Variants in PTH2R observed in about 807,000 individuals in gnomAD.
The protein encoded by PTH2R is parathyroid hormone 2 receptor.
Under a neutral mutation model 60.3 loss-of-function variants are expected in PTH2R, and 59 were observed. The ratio of observed to expected loss-of-function variants is 0.98; its 90% CI spans 0.79 to 1.22. The LOEUF (loss-of-function observed/expected upper bound fraction) is 1.22. Ranked by LOEUF, PTH2R falls within the 50% of genes most tolerant of loss-of-function variation. The pLI is 0.00. For synonymous variants in PTH2R, 256 were observed against 243.8 expected (o/e 1.05, Z -0.47); for missense variants, 749 against 682.6 (o/e 1.10, Z -1.08).
intron 1 of PTH2R, among the ~76,000 whole-genome samples, chr2:208,425,228 G>A (rs898098282): frequency 6.6e-6 from 1 of 152,138 alleles, no homozygotes; most frequent in African/African-American, 2.4e-5. Context: ...CAAATCACAT[G>A]TAATGAGATG....
intron 1 of PTH2R, among the ~76,000 whole-genome samples, chr2:208,395,201 C>G (rs1276837001): frequency 6.6e-6 from 1 of 152,058 alleles, no homozygotes; most frequent in African/African-American, 2.4e-5. Flanking sequence ...GCGCCCGCCA[C>G]CATGCCTGGC....
chr2:208,468,837 T>G (rs888801107), intron 9 of PTH2R, among the ~76,000 whole-genome samples: 1 of 152,216 alleles, frequency 6.6e-6, no homozygotes, highest in African/African-American at 2.4e-5. Context: ...AACCATTTTT[T>G]TTCTAAACTT....
intron 7 of PTH2R, among the ~76,000 whole-genome samples, chr2:208,445,645 A>G (rs1702273830): frequency 6.6e-6 from 1 of 152,184 alleles, no homozygotes; most frequent in Non-Finnish European, 1.5e-5. Context: ...GGTGCTCAGC[A>G]TAGGAAAAAA....
chr2:208,479,884 T>A (rs1038712569), intron 9 of PTH2R, among the ~76,000 whole-genome samples: 1 of 152,324 alleles, frequency 6.6e-6, no homozygotes, highest in East Asian at 1.9e-4. Context: ...TCCATGTTCA[T>A]GTAAGGTTTT....
chr2:208,453,115 T>C (rs1304789779), intron 8 of PTH2R, among the ~76,000 whole-genome samples: 4 of 152,240 alleles, frequency 2.6e-5, no homozygotes, highest in Non-Finnish European at 5.9e-5. Flanking sequence ...ATCTTCACTA[T>C]GTCTAGCCTT....
Position 208,481,105 on chromosome 2 carries a change from T to G in PTH2R, c.1017T>G (p.Val339=). ...NFILFLNTVR[V]LATKIWETNA... is the part of the protein sequence containing the mutation. Reference sequence around the variant, plus strand: ...TTCTGTTTCTGAATACGGTTAGAGTTCTAGCTACCAAAATCTGGGAGACCA... The same window carrying G: ...TTCTGTTTCTGAATACGGTTAGAGTGCTAGCTACCAAAATCTGGGAGACCA... Residue 339 remains valine (V), a synonymous_variant, in exon 10 of 13, where the codon GTT becomes GTG. Transcript: ENST00000272847. The G allele has an allele frequency of 6.2e-7, 1 of 1,612,262 alleles. No homozygotes were observed. Among genetic ancestry groups the G allele is most frequent in the Non-Finnish European group, 8.5e-7 (1 of 1,178,458 alleles).
chr2:208,394,267 C>T (rs1446050928), intron 1 of PTH2R, among the ~76,000 whole-genome samples: 4 of 152,238 alleles, frequency 2.6e-5, no homozygotes, highest in African/African-American at 7.2e-5. Flanking sequence ...GCTTTTTCTT[C>T]AAAGTCTCAG....
chr2:208,396,915 A>G (rs1435427332), intron 1 of PTH2R, among the ~76,000 whole-genome samples: 2 of 152,238 alleles, frequency 1.3e-5, no homozygotes, highest in East Asian at 1.9e-4. Context: ...CCAAATGTCC[A>G]TCAATGATAG....
intron 1 of PTH2R, among the ~76,000 whole-genome samples, chr2:208,414,633 T>C (rs938402083): frequency 3.3e-5 from 5 of 152,142 alleles, no homozygotes; most frequent in Non-Finnish European, 7.4e-5. Flanking sequence ...TTCTCAAACT[T>C]TATTCCAAAA....
At chr2:208,442,763 T>C (rs953889275) in intron 5 of PTH2R, among the ~76,000 whole-genome samples, 3 of 152,210 alleles carry the variant, frequency 2.0e-5, no homozygotes, top group Non-Finnish European at 4.4e-5. Flanking sequence ...TTTGGTGCTA[T>C]TGGACAAAAA....
At chr2:208,437,944 C>G in intron 4 of PTH2R, 63 bp downstream of exon 4, 9 of 1,556,352 alleles carry the variant, frequency 5.8e-6, no homozygotes, top group Non-Finnish European at 7.9e-6. Flanking sequence ...TAATGCAATT[C>G]TCAATTGCCA....
chr2:208,418,887 A>C (rs1701695319), intron 1 of PTH2R, among the ~76,000 whole-genome samples: 1 of 152,204 alleles, frequency 6.6e-6, no homozygotes, highest in African/African-American at 2.4e-5. Context: ...TAGAAGTACC[A>C]AATGTGTGGG....
At chr2:208,377,535 C>T (rs1218738121) in intron 1 of PTH2R, among the ~76,000 whole-genome samples, 3 of 147,650 alleles carry the variant, frequency 2.0e-5, no homozygotes, top group East Asian at 2.0e-4. Context: ...GGCGGCTGGC[C>T]GGGCGGGGGC....
intron 11 of PTH2R, 42 bp downstream of exon 11, chr2:208,489,192 GT>G (rs766597279): frequency 3.1e-6 from 5 of 1,610,326 alleles, no homozygotes; most frequent in Admixed American, 1.7e-5. Flanking sequence ...GTAATTTGCA[GT>G]TTTTTTTCCT....
intron 9 of PTH2R, among the ~76,000 whole-genome samples, chr2:208,470,631 G>A (rs1253470620): frequency 1.3e-5 from 2 of 152,176 alleles, no homozygotes; most frequent in South Asian, 2.1e-4. Context: ...GCATGGAACT[G>A]TAAGTCCATT....
At chr2:208,463,639 T>C (rs2105890512) in intron 9 of PTH2R, among the ~76,000 whole-genome samples, 1 of 152,206 alleles carries the variant, frequency 6.6e-6, no homozygotes, top group East Asian at 1.9e-4. Flanking sequence ...TTAGCTATTA[T>C]CATTTTTACT....
In PTH2R at chr2:208,463,817, T is replaced by A. The variant is rs16841239; in HGVS notation, c.981+3856T>A. 1.2e-4 allele frequency among the ~76,000 whole-genome samples: 19 copies of A among 152,314 alleles called. No individual in the cohort carries two copies. In the South Asian group the frequency reaches 3.9e-3, roughly 32 times the overall value. On this transcript the variant is annotated intron_variant, in intron 9 of 12. Transcript: ENST00000272847. ...ATATCAGGAAGTGGCTGTTCAGACC[T>A]GAGGGGACTCCCAGGGATGATCTGG...
At chr2:208,432,474 T>A (rs1701991828) in intron 2 of PTH2R, among the ~76,000 whole-genome samples, 1 of 152,116 alleles carries the variant, frequency 6.6e-6, no homozygotes, top group Non-Finnish European at 1.5e-5. Context: ...AGGAATTAGA[T>A]GTGATGAGAG....
intron 1 of PTH2R, among the ~76,000 whole-genome samples, chr2:208,422,683 G>T (rs1215457976): frequency 6.6e-6 from 1 of 151,508 alleles, no homozygotes; most frequent in Non-Finnish European, 1.5e-5. Flanking sequence ...TGATTTTTTT[G>T]GTGATAATTG....
Sources: gnomAD v4.1 joint callset for allele counts (sites outside exome capture counted in the v4.1 genomes callset) on GRCh38, gnomAD v4.1.1 for gene constraint, MANE v1.5 for transcripts, NCBI Gene and HGNC (gene_info 2026-07-23, HGNC 2026-07-21) for gene names.